Variants in DLD observed in about 807,000 individuals in gnomAD.
DLD encodes dihydrolipoyl dehydrogenase, mitochondrial.
In DLD, 36 loss-of-function variants were observed where a neutral mutation model predicts 62.2. That is an observed-to-expected ratio of 0.58 (90% CI 0.44 to 0.76). The LOEUF is 0.76. DLD is among the 30% of genes least tolerant of loss of function. DLD has a pLI of 0.00. For synonymous variants in DLD, 204 were observed against 199.6 expected (o/e 1.02, Z -0.19); for missense variants, 541 against 608.6 (o/e 0.89, Z 1.17).
At chr7:107,902,025 C>A (rs2031888054) in intron 3 of DLD, among the ~76,000 whole-genome samples, 1 of 152,136 alleles carries the variant, frequency 6.6e-6, no homozygotes, top group South Asian at 2.1e-4. Context: ...TTCTTCTCTT[C>A]CCAGTACTTT....
intron 12 of DLD, 95 bp from the exon 13 acceptor site, chr7:107,918,915 T>TC: frequency 9.7e-7 from 1 of 1,026,838 alleles, no homozygotes; most frequent in Admixed American, 1.8e-5. Flanking sequence ...TTTAAGGCGT[T>TC]TTTAAGATCT....
intron 1 of DLD, chr7:107,891,591 TAGGCCTC>T: frequency 1.8e-6 from 1 of 562,000 alleles, no homozygotes; most frequent in East Asian, 3.1e-5. Flanking sequence ...CGGTCACACA[TAGGCCTC>T]TACCTTGGAG....
At chr7:107,914,582 A>G (rs1250049290) in intron 8 of DLD, among the ~76,000 whole-genome samples, 1 of 152,162 alleles carries the variant, frequency 6.6e-6, no homozygotes, top group African/African-American at 2.4e-5. Context: ...TAGTGTCACT[A>G]TATTGCCTCT....
rs374458520 is a variant in DLD at position 107,903,579 on chromosome 7, C to T, written c.337+32C>T. The T allele has an allele frequency of 8.3e-6, 11 of 1,330,700 alleles. No individual in the cohort carries two copies. The African/African-American group carries it at 1.2e-4, about 14-fold the overall frequency. The allele number at this position is 1,330,700 out of a possible 1,614,324, so 82.4% of individuals were successfully genotyped here. A position where few individuals can be genotyped will look rare whatever the true frequency, so the allele number is the denominator to read the frequency against. On this transcript the variant is annotated intron_variant, in intron 5 of 13. Transcript: ENST00000205402. ...ATACTTTTCATGCTTAATGATATTA[C>T]CAGACTGCTTGACTTGGCTCTTCTG...
intron 2 of DLD, among the ~76,000 whole-genome samples, chr7:107,894,026 T>C (rs750548807): frequency 6.6e-6 from 1 of 152,212 alleles, no homozygotes; most frequent in Non-Finnish European, 1.5e-5. Flanking sequence ...CAAAAGCATG[T>C]TTTAAAGATT....
rs1319330427 is a variant in DLD at position 107,919,604 on chromosome 7, G to A, written c.*345G>A. The A allele has an allele frequency of 4.6e-6, 1 of 217,814 alleles. No homozygotes were observed. The highest frequency in any genetic ancestry group is 9.1e-6 in the Non-Finnish European group (1 of 109,358). 13.5% of individuals were successfully genotyped at this position (217,814 alleles called of 1,614,324 possible). A position where few individuals can be genotyped will look rare whatever the true frequency, so the allele number is the denominator to read the frequency against. On this transcript the variant is annotated 3_prime_UTR_variant, in exon 14 of 14. Coordinates refer to ENST00000205402, the MANE Select transcript of DLD (RefSeq NM_000108.5). ...GATACAGAAAAGTTGAATTTTACAT[G>A]GCTGGAGCTAGAATTTGATATGTGA...
Position 107,900,548 on chromosome 7 carries a change from A to T in DLD, c.119-1190A>T, listed in dbSNP as rs191785050. Among the ~76,000 whole-genome samples the T allele has an allele frequency of 5.8e-3, 885 of 152,246 alleles. 9 individuals are homozygous for T. Among genetic ancestry groups the T allele is most frequent in the African/African-American group, 0.02 (834 of 41,566 alleles). On this transcript the variant is annotated intron_variant, in intron 2 of 13. Coordinates refer to ENST00000205402, the MANE Select transcript of DLD (RefSeq NM_000108.5). ...ACCTAAGGTCACATAGGTAGTGATT[A>T]TAAAGCTTGATTATTGCTCTCTGGA...
chr7:107,906,276 G>A lies in DLD; in HGVS notation c.592G>A (p.Asp198Asn). 1 of 1,575,504 alleles carries A rather than the reference G, an allele frequency of 6.3e-7. No individual in the cohort carries two copies. The highest frequency in any genetic ancestry group is 2.2e-5 in the East Asian group (1 of 44,622). ...TTTGTTTTTCTTACAGATAGATGAA[G>A]ATACAATAGTGTCATCTACAGGTGC... The part of the protein sequence containing the change: ...TPFPGITIDE[D>N]TIVSSTGALS... Residue 198 changes from aspartate to asparagine, a missense_variant, in exon 8 of 14, where the codon GAT becomes AAT. Physicochemically the swap from Asp to Asn is conservative, Grantham distance 23. Transcript: ENST00000205402.
At chr7:107,918,769 A>G (rs567790094) in intron 12 of DLD, among the ~76,000 whole-genome samples, 2 of 152,376 alleles carry the variant, frequency 1.3e-5, no homozygotes, top group Admixed American at 1.3e-4. Flanking sequence ...AATGAAGCAC[A>G]AAGAACCAAT....
rs1211148911 is a variant in DLD, at chr7:107,917,377, T to C, written c.1151T>C (p.Ile384Thr). ...VEGMAGGAVH[I>T]DYNCVPSVIY... Reference sequence around the variant, plus strand: ...GGAATGGCTGGTGGTGCTGTGCACATTGACTACAATTGTGTGCCATCAGTG... The same window carrying C: ...GGAATGGCTGGTGGTGCTGTGCACACTGACTACAATTGTGTGCCATCAGTG... The change falls in exon 11 of 14, where the codon ATT (isoleucine) becomes ACT (threonine). Residue 384 changes from isoleucine (I) to threonine (T), a missense_variant. Ile to Thr is a moderately conservative substitution (Grantham distance 89). Transcript: ENST00000205402. 6.2e-7 allele frequency: 1 copy of C among 1,614,174 alleles called. No homozygotes were observed. Among genetic ancestry groups the C allele is most frequent in the Admixed American group, 1.7e-5 (1 of 60,008 alleles).
chr7:107,891,351 T>G, intron 1 of DLD, 62 bp downstream of exon 1: 1 of 1,591,704 alleles, frequency 6.3e-7, no homozygotes, highest in Non-Finnish European at 8.6e-7. Flanking sequence ...GCTCAGTGGG[T>G]CCGGTACGCG....
In DLD at chr7:107,919,754, CACTT is replaced by C. The variant is rs2032364172; in HGVS notation, c.*496_*499del. ...GAACTGATGTAAGTAAACGGTCTCTCACTTGTTTTATTTAACCTCTAAATTCTTT... is the reference window on the plus strand; with the variant it reads ...GAACTGATGTAAGTAAACGGTCTCTCGTTTTATTTAACCTCTAAATTCTTT... On this transcript the variant is annotated 3_prime_UTR_variant, in exon 14 of 14. Transcript: ENST00000205402. 2 of 155,348 alleles carry C rather than the reference CACTT, an allele frequency of 1.3e-5. No individual in the cohort carries two copies. Among genetic ancestry groups the C allele is most frequent in the East Asian group, 1.8e-4 (1 of 5,410 alleles). The allele number at this position is 155,348 out of a possible 1,614,324, so 9.6% of individuals were successfully genotyped here. A position where few individuals can be genotyped will look rare whatever the true frequency, so the allele number is the denominator to read the frequency against.
intron 6 of DLD, 65 bp from the exon 7 acceptor site, chr7:107,905,296 C>T: frequency 2.7e-6 from 4 of 1,494,158 alleles, no homozygotes; most frequent in African/African-American, 1.4e-5. Context: ...GTAATTTTTC[C>T]TTTGAATGAT....
chr7:107,895,866 A>G (rs1429066840), intron 2 of DLD, among the ~76,000 whole-genome samples: 1 of 152,170 alleles, frequency 6.6e-6, no homozygotes, highest in Non-Finnish European at 1.5e-5. Context: ...GGGCTATGTC[A>G]TTTATATATA....
intron 8 of DLD, among the ~76,000 whole-genome samples, chr7:107,912,447 C>G (rs2032166140): frequency 6.6e-6 from 1 of 152,074 alleles, no homozygotes; most frequent in African/African-American, 2.4e-5. Context: ...TTCCCACTAA[C>G]AGTGTATGAG....
At position 107,893,216 on chromosome 7, in the gene DLD, G is replaced by T. The variant is rs1247456203; in HGVS notation, c.56G>T (p.Arg19Leu). ...CSLAKRGHFN[R>L]ISHGLQGLSA... ...TTTTTCTAGAGAGGCCATTTCAATC[G>T]AATATCTCATGGCCTACAGGGACTT... Residue 19 changes from arginine to leucine, a missense_variant, in exon 2 of 14, where the codon CGA (arginine) becomes CTA (leucine). By Grantham distance (102) the Arg-to-Leu change is moderately radical. Transcript: ENST00000205402. 2 of 1,613,194 alleles carry T rather than the reference G, an allele frequency of 1.2e-6. No individual in the cohort carries two copies. The highest frequency in any genetic ancestry group is 1.7e-6 in the Non-Finnish European group (2 of 1,179,578).
Position 107,916,870 on chromosome 7 carries a change from T to C in DLD, c.952T>C (p.Phe318Leu), listed in dbSNP as rs771245503. ...CTTGGTTTGCATTGGCCGACGACCC[T>C]TTACTAAGAATTTGGGACTAGAAGA... Reference protein sequence around the residue: ...VLLVCIGRRPFTKNLGLEELG... With the variant: ...VLLVCIGRRPLTKNLGLEELG... Residue 318 changes from phenylalanine (F) to leucine (L), a missense_variant, in exon 10 of 14, where the codon TTT becomes CTT. By Grantham distance (22) the Phe-to-Leu change is conservative. Coordinates refer to ENST00000205402, the MANE Select transcript of DLD (RefSeq NM_000108.5). The C allele has an allele frequency of 1.2e-6, 2 of 1,613,408 alleles. No homozygotes were observed. The highest frequency in any genetic ancestry group is 1.7e-6 in the Non-Finnish European group (2 of 1,179,920).
chr7:107,905,260 T>G, intron 6 of DLD, 101 bp from the exon 7 acceptor site: 1 of 1,284,438 alleles, frequency 7.8e-7, no homozygotes, highest in Admixed American at 2.0e-5. Context: ...AAGGAAGCAT[T>G]TTGTTTTAGA....
At chr7:107,908,684 C>A (rs1227746211) in intron 8 of DLD, among the ~76,000 whole-genome samples, 1 of 151,312 alleles carries the variant, frequency 6.6e-6, no homozygotes, top group East Asian at 1.9e-4. Flanking sequence ...AAAAAAAACC[C>A]CAAAACAAAA....
Sources: gnomAD v4.1 joint callset for allele counts (sites outside exome capture counted in the v4.1 genomes callset) on GRCh38, gnomAD v4.1.1 for gene constraint, MANE v1.5 for transcripts, NCBI Gene and HGNC (gene_info 2026-07-23, HGNC 2026-07-21) for gene names.